Variants in KDM3A observed in about 807,000 individuals in gnomAD.
KDM3A encodes lysine-specific demethylase 3A.
KDM3A carries 60 observed loss-of-function variants against 158.0 expected under a neutral mutation model. That is an observed-to-expected ratio of 0.38 (90% confidence interval 0.31 to 0.47). The LOEUF (loss-of-function observed/expected upper bound fraction) is 0.47. Ranked by LOEUF, KDM3A falls within the 20% of genes least tolerant of loss-of-function variation. The pLI, the probability that KDM3A is intolerant of heterozygous loss-of-function variation, is 0.99. For synonymous variants in KDM3A, 608 were observed against 549.3 expected (o/e 1.11, Z -1.49); for missense variants, 1,319 against 1,574.3 (o/e 0.84, Z 2.74).
At chr2:86,471,339 ATG>A (rs1226217790) in intron 11 of KDM3A, among the ~76,000 whole-genome samples, 10 of 150,892 alleles carry the variant, frequency 6.6e-5, no homozygotes, top group African/African-American at 2.0e-4. Flanking sequence ...GTGTGTATAT[ATG>A]TATATATGTG....
Position 86,451,088 on chromosome 2 carries a change from T to G in KDM3A, c.343-15T>G. The G allele has an allele frequency of 6.4e-7, 1 of 1,558,708 alleles. No homozygotes were observed. Among genetic ancestry groups the G allele is most frequent in the Non-Finnish European group, 8.7e-7 (1 of 1,147,290 alleles). On this transcript the variant is annotated splice_polypyrimidine_tract_variant and intron_variant, in intron 3 of 25. Coordinates refer to ENST00000312912, the MANE Select transcript of KDM3A (RefSeq NM_018433.6). Reference sequence around the variant, plus strand: ...GACAGCAGTTATGATGCTAAAGTGTTTTCTTTTGTTTTAGACGTACAAACC... The same window carrying G: ...GACAGCAGTTATGATGCTAAAGTGTGTTCTTTTGTTTTAGACGTACAAACC...
At chr2:86,478,535 T>C in intron 14 of KDM3A, 73 bp from the exon 15 acceptor site, 1 of 1,530,456 alleles carries the variant, frequency 6.5e-7, no homozygotes, top group Non-Finnish European at 8.9e-7. Flanking sequence ...GAATGCCAGC[T>C]TCTGCTCTGT....
At position 86,485,035 on chromosome 2, in the gene KDM3A, AT is replaced by A; in HGVS notation, c.3182+8del. On this transcript the variant is annotated splice_region_variant and intron_variant, in intron 20 of 25. Transcript: ENST00000312912. ...AGAGATATGATGCCTTCCAGGTATG[AT>A]TATGAAGGTGGGGAGAGATGATTCT... 1 of 1,498,172 alleles carries A rather than the reference AT, an allele frequency of 6.7e-7. No homozygotes were observed. Among genetic ancestry groups the A allele is most frequent in the Non-Finnish European group, 9.3e-7 (1 of 1,074,632 alleles). 92.8% of individuals were successfully genotyped at this position (1,498,172 alleles called of 1,614,324 possible).
upstream of KDM3A, among the ~76,000 whole-genome samples, chr2:86,440,040 A>C (rs1682603954): frequency 6.6e-6 from 1 of 152,160 alleles, no homozygotes; most frequent in East Asian, 1.9e-4. Context: ...TGGACTTTTC[A>C]CATGAAAAAC....
chr2:86,486,433 T>C (rs1346896224), intron 21 of KDM3A, among the ~76,000 whole-genome samples: 1 of 152,244 alleles, frequency 6.6e-6, no homozygotes, highest in Non-Finnish European at 1.5e-5. Flanking sequence ...TCATTATAAC[T>C]GAGATCTTCG....
chr2:86,446,493 G>A (rs371191562), intron 2 of KDM3A, among the ~76,000 whole-genome samples: 55 of 152,146 alleles, frequency 3.6e-4, no homozygotes, highest in African/African-American at 1.2e-3. Context: ...ATCTGGTCAG[G>A]AGGTCAGGAG....
In KDM3A at chr2:86,449,939, C is replaced by T. The variant is rs150111816; in HGVS notation, c.319C>T (p.Arg107Ter). The T allele has an allele frequency of 6.2e-7, 1 of 1,613,374 alleles. No individual in the cohort carries two copies. Among genetic ancestry groups the T allele is most frequent in the African/African-American group, 1.3e-5 (1 of 74,966 alleles). Reference protein sequence around the residue: ...AERKSPEISERIVQWPAITYK... With the variant: ...AERKSPEISE ...ACGAAAGTCACCTGAAATTTCTGAA[C>T]GAATTGTACAGTGGCCTGCAATAGT... The change falls in exon 3 of 26, where the codon CGA becomes TGA. Residue 107 changes from arginine (R) to a stop codon, truncating the protein, a stop_gained. Transcript: ENST00000312912. LOFTEE classifies it high-confidence loss of function.
At chr2:86,441,974 C>A in intron 1 of KDM3A, 44 bp from the exon 2 acceptor site, 3 of 1,493,198 alleles carry the variant, frequency 2.0e-6, no homozygotes, top group Non-Finnish European at 2.8e-6. Flanking sequence ...CCGGCCCCCT[C>A]CCACCGGCCG....
chr2:86,465,266 G>A (rs1271536269), intron 9 of KDM3A, among the ~76,000 whole-genome samples: 1 of 152,172 alleles, frequency 6.6e-6, no homozygotes, highest in Non-Finnish European at 1.5e-5. Flanking sequence ...TAATCAATCA[G>A]CTATTCTATT....
At chr2:86,483,327 A>C (rs767382699) in intron 18 of KDM3A, 3 of 152,484 alleles carry the variant, frequency 2.0e-5, no homozygotes, top group Non-Finnish European at 4.4e-5. Flanking sequence ...GAGAATTGCC[A>C]AACAGAAAGA....
chr2:86,448,183 T>G (rs1683030127), intron 2 of KDM3A, among the ~76,000 whole-genome samples: 1 of 152,228 alleles, frequency 6.6e-6, no homozygotes, highest in Non-Finnish European at 1.5e-5. Context: ...ATATGTAGTT[T>G]CCTAGGTAAA....
chr2:86,440,113 T>C (rs1193987709), upstream of KDM3A, among the ~76,000 whole-genome samples: 2 of 152,220 alleles, frequency 1.3e-5, no homozygotes, highest in Non-Finnish European at 2.9e-5. Flanking sequence ...TTCTTTCAGC[T>C]GGATAGGTTT....
At chr2:86,485,673 A>G in intron 20 of KDM3A, 56 bp from the exon 21 acceptor site, 8 of 1,599,510 alleles carry the variant, frequency 5.0e-6, no homozygotes, top group Non-Finnish European at 6.8e-6. Flanking sequence ...CAGGTTACAC[A>G]ATAATGAATT....
chr2:86,478,847 T>C (rs1673789169), intron 15 of KDM3A, 112 bp downstream of exon 15: 4 of 993,710 alleles, frequency 4.0e-6, no homozygotes, highest in Non-Finnish European at 6.0e-6. Flanking sequence ...GGGATAGCTA[T>C]CAAGTGGAAA....
At chr2:86,461,847 A>G (rs1370322152) in intron 8 of KDM3A, among the ~76,000 whole-genome samples, 1 of 151,968 alleles carries the variant, frequency 6.6e-6, no homozygotes, top group Non-Finnish European at 1.5e-5. Context: ...GGAGATGAGA[A>G]AGGAAGCAAG....
chr2:86,450,971 T>A, intron 3 of KDM3A, 132 bp from the exon 4 acceptor site: 1 of 570,346 alleles, frequency 1.8e-6, no homozygotes, highest in Non-Finnish European at 3.1e-6. Context: ...ATAGTTGTTA[T>A]GAGATAACTT....
chr2:86,450,113 A>T (rs1418852468), intron 3 of KDM3A, 151 bp downstream of exon 3: 14 of 785,052 alleles, frequency 1.8e-5, no homozygotes, highest in Non-Finnish European at 2.6e-5. Context: ...CTTCTGAGCG[A>T]GTCCCTTGAC....
intron 13 of KDM3A, 63 bp from the exon 14 acceptor site, chr2:86,478,107 T>G (rs1573195913): frequency 6.2e-7 from 1 of 1,609,108 alleles, no homozygotes; most frequent in Non-Finnish European, 8.5e-7. Context: ...GTTTGGCGGG[T>G]TTCTTGAAGC....
At chr2:86,444,918 C>T (rs1378256168) in intron 2 of KDM3A, among the ~76,000 whole-genome samples, 1 of 152,082 alleles carries the variant, frequency 6.6e-6, no homozygotes, top group Non-Finnish European at 1.5e-5. Context: ...GACATAATAA[C>T]AGTGGATAAC....
Sources: gnomAD v4.1 joint callset for allele counts (sites outside exome capture counted in the v4.1 genomes callset) on GRCh38, gnomAD v4.1.1 for gene constraint, MANE v1.5 for transcripts, NCBI Gene and HGNC (gene_info 2026-07-23, HGNC 2026-07-21) for gene names.